The following DLG2 variants were observed in gnomAD, a reference collection of about 807,000 sequenced individuals.
DLG2 encodes disks large homolog 2.
Under a neutral mutation model 132.5 loss-of-function variants are expected in DLG2, and 45 were observed. That is an observed-to-expected ratio of 0.34 (90% CI 0.27 to 0.44). The LOEUF is 0.44. DLG2 is among the 20% of genes least tolerant of loss of function. The pLI is 1.00. For missense variants in DLG2, 1,045 were observed against 1,196.9 expected, an observed-to-expected ratio of 0.87 and a Z score of 1.87; for synonymous variants, 424 against 419.6, an observed-to-expected ratio of 1.01 and a Z score of -0.13.
chr11:85,558,693 G>A (rs1271154184), intron 3 of DLG2, among the ~76,000 whole-genome samples: 1 of 151,792 alleles, frequency 6.6e-6, no homozygotes, highest in Non-Finnish European at 1.5e-5. Context: ...TACAGGAGCA[G>A]AAAATCAAAT....
intron 7 of DLG2, among the ~76,000 whole-genome samples, chr11:84,407,320 C>T (rs921847332): frequency 1.1e-4 from 16 of 152,116 alleles, no homozygotes; most frequent in African/African-American, 3.9e-4. Flanking sequence ...TGACAGACTT[C>T]CATGATTCTG....
intron 5 of DLG2, among the ~76,000 whole-genome samples, chr11:85,128,255 T>C (rs2075354055): frequency 6.6e-6 from 1 of 152,186 alleles, no homozygotes; most frequent in Non-Finnish European, 1.5e-5. Context: ...GTATGGTTAA[T>C]GGATATCTGA....
intron 3 of DLG2, among the ~76,000 whole-genome samples, chr11:85,580,039 T>C (rs1244341085): frequency 6.6e-6 from 1 of 152,100 alleles, no homozygotes; most frequent in African/African-American, 2.4e-5. Context: ...CATGATGTTC[T>C]CATGATAGTA....
At chr11:85,268,228 C>T (rs2077332250) in intron 4 of DLG2, among the ~76,000 whole-genome samples, 1 of 152,188 alleles carries the variant, frequency 6.6e-6, no homozygotes, top group Admixed American at 6.5e-5. Context: ...ACCTACCATT[C>T]TATTTAAAGC....
At chr11:84,278,832 T>C (rs889333999) in intron 7 of DLG2, among the ~76,000 whole-genome samples, 1 of 152,048 alleles carries the variant, frequency 6.6e-6, no homozygotes, top group African/African-American at 2.4e-5. Context: ...TATTTTATTA[T>C]ACTTTAAGTT....
At chr11:83,997,281 C>T (rs2094092687) in intron 11 of DLG2, among the ~76,000 whole-genome samples, 1 of 152,228 alleles carries the variant, frequency 6.6e-6, no homozygotes, top group Non-Finnish European at 1.5e-5. Context: ...CTTTTAAGCA[C>T]CTAACACATT....
At chr11:84,735,219 G>C (rs545277470) in intron 6 of DLG2, among the ~76,000 whole-genome samples, 37 of 152,284 alleles carry the variant, frequency 2.4e-4, no homozygotes, top group Non-Finnish European at 4.4e-4. Flanking sequence ...AATGGTACCA[G>C]CTCCTCCTTG....
At chr11:85,147,302 C>G (rs575967740) in intron 5 of DLG2, among the ~76,000 whole-genome samples, 1 of 152,150 alleles carries the variant, frequency 6.6e-6, no homozygotes, top group Non-Finnish European at 1.5e-5. Context: ...CTCTGCCTCC[C>G]TCCTATCTAT....
At chr11:85,508,693 A>C (rs943944491) in intron 3 of DLG2, among the ~76,000 whole-genome samples, 1 of 152,128 alleles carries the variant, frequency 6.6e-6, no homozygotes, top group Admixed American at 6.6e-5. Flanking sequence ...AAAAACAAAC[A>C]TACCAAAGTG....
chr11:84,262,118 T>C (rs1043108528), intron 7 of DLG2, among the ~76,000 whole-genome samples: 8 of 152,072 alleles, frequency 5.3e-5, no homozygotes, highest in Non-Finnish European at 1.0e-4. Flanking sequence ...ATTATGATTA[T>C]CTTATAGATA....
At position 83,833,645 on chromosome 11, in the gene DLG2, C is replaced by T; in HGVS notation, c.1691G>A (p.Gly564Glu). 1 of 1,613,932 alleles carries T rather than the reference C, an allele frequency of 6.2e-7. No individual in the cohort carries two copies. Among genetic ancestry groups the T allele is most frequent in the Non-Finnish European group, 8.5e-7 (1 of 1,179,926 alleles). ...GATCTGGTCTCCTCTCTGGAGCTCCCCACTTAGGTCTGCTGGTCCACCAGC... is the reference window on the plus strand; with the variant it reads ...GATCTGGTCTCCTCTCTGGAGCTCCTCACTTAGGTCTGCTGGTCCACCAGC... ...ILAGGPADLSGELQRGDQILS... is the reference protein window; with the variant it reads ...ILAGGPADLSEELQRGDQILS... Residue 564 changes from glycine to glutamate, a missense_variant, in exon 17 of 28, where the codon GGG (glycine) becomes GAG (glutamate). Around this residue, in one of 4 missense-constraint regions of DLG2, gnomAD observed 398 missense variants for 543.6 expected, o/e 0.73. Coordinates refer to ENST00000376104, the MANE Select transcript of DLG2 (RefSeq NM_001142699.3).
intron 17 of DLG2, among the ~76,000 whole-genome samples, chr11:83,808,295 T>C (rs547242591): frequency 1.1e-4 from 16 of 152,268 alleles, no homozygotes; most frequent in Admixed American, 2.0e-4. Context: ...CCTTTTAATA[T>C]TCCTGTGGCC....
chr11:85,088,343 T>C (rs910891590), intron 6 of DLG2, among the ~76,000 whole-genome samples: 1 of 152,256 alleles, frequency 6.6e-6, no homozygotes, highest in Non-Finnish European at 1.5e-5. Flanking sequence ...TCAAATTTCA[T>C]GCATTTTTAT....
chr11:84,650,863 G>GTATATATATA lies in DLG2; in HGVS notation c.358-116133_358-116132insTATATATATA, dbSNP rs1417830252. Among the ~76,000 whole-genome samples the GTATATATATA allele has an allele frequency of 7.2e-3, 661 of 91,576 alleles. 4 individuals carry two copies. The highest frequency in any genetic ancestry group is 0.011 in the South Asian group (22 of 2,062). The allele number at this position is 91,576 out of a possible 152,430, so 60.1% of individuals were successfully genotyped here. A position where few individuals can be genotyped will look rare whatever the true frequency, so the allele number is the denominator to read the frequency against. On this transcript the variant is annotated intron_variant, in intron 6 of 27. Transcript: ENST00000376104. ...AACTTTCCTGTATGTGTGTGTGTGT[G>GTATATATATA]TGTGTGTGTGTATATATATATATAT... is the stretch of plus-strand genomic sequence containing the variant.
intron 9 of DLG2, among the ~76,000 whole-genome samples, chr11:84,162,655 A>G (rs975259474): frequency 3.9e-5 from 6 of 152,084 alleles, no homozygotes; most frequent in African/African-American, 7.2e-5. Flanking sequence ...CTTTTAATCT[A>G]TGTTTCCAAA....
At chr11:85,269,264 T>A (rs1323332047) in intron 4 of DLG2, among the ~76,000 whole-genome samples, 2 of 152,246 alleles carry the variant, frequency 1.3e-5, no homozygotes, top group African/African-American at 2.4e-5. Context: ...TCAGAAAGCA[T>A]GTCTGGCTTG....
At chr11:85,357,236 CTTTG>C (rs1457653485) in intron 3 of DLG2, among the ~76,000 whole-genome samples, 4 of 109,730 alleles carry the variant, frequency 3.6e-5, no homozygotes, top group African/African-American at 6.6e-5. Flanking sequence ...TCAATATCCT[CTTTG>C]TGTGTGTGTG....
At chr11:83,977,048 T>A (rs922953482) in intron 12 of DLG2, among the ~76,000 whole-genome samples, 2 of 151,998 alleles carry the variant, frequency 1.3e-5, no homozygotes, top group Admixed American at 6.6e-5. Context: ...AAGCTAGTAG[T>A]AACTTGCTTA....
intron 6 of DLG2, among the ~76,000 whole-genome samples, chr11:84,906,251 T>C: frequency 6.6e-6 from 1 of 151,192 alleles, no homozygotes; most frequent in East Asian, 1.9e-4. Context: ...TTTTTTTTTT[T>C]TTACATCCCT....
Sources: gnomAD v4.1 joint callset for allele counts (sites outside exome capture counted in the v4.1 genomes callset) on GRCh38, gnomAD v4.1.1 for gene constraint, gnomAD v4.1.1 regional missense constraint, MANE v1.5 for transcripts, NCBI Gene and HGNC (gene_info 2026-07-23, HGNC 2026-07-21) for gene names.